Variants in DMD observed in about 807,000 individuals in gnomAD.
DMD encodes the protein mutant dystrophin.
DMD carries 63 observed loss-of-function variants against 330.1 expected under a neutral mutation model. The observed-to-expected ratio is 0.19, with a 90% CI of 0.16 to 0.24. The LOEUF (loss-of-function observed/expected upper bound fraction) is 0.24. Among genes scored for constraint, DMD ranks in the 10% least tolerant of loss-of-function variants. The pLI, the probability that DMD is intolerant of heterozygous loss-of-function variation, is 1.00. For missense variants in DMD, 3,344 were observed against 2,684.1 expected, an observed-to-expected ratio of 1.25 and a Z score of -5.43; for synonymous variants, 1,223 against 959.8, an observed-to-expected ratio of 1.27 and a Z score of -5.07.
chrX:32,604,231 T>C (rs1091272), intron 12 of DMD, among the ~76,000 whole-genome samples: 3 of 108,693 alleles, frequency 2.8e-5, no homozygotes, highest in Admixed American at 2.0e-4. Context: ...CAATATATGT[T>C]TTGTGTGGTG....
chrX:32,510,423 T>C (rs996390478), intron 18 of DMD, among the ~76,000 whole-genome samples: 5 of 111,932 alleles, frequency 4.5e-5, no homozygotes, highest in Non-Finnish European at 9.4e-5. Context: ...CTCATTTTAT[T>C]CTGCTCCTTG....
chrX:32,584,957 A>G (rs1440628788), intron 13 of DMD, among the ~76,000 whole-genome samples: 1 of 111,736 alleles, frequency 8.9e-6, no homozygotes, highest in Non-Finnish European at 1.9e-5. Context: ...TTTCAGAACC[A>G]TCAACAGATA....
chrX:33,008,871 C>A (rs866128611), intron 2 of DMD, among the ~76,000 whole-genome samples: 6 of 41,260 alleles, frequency 1.5e-4, no homozygotes, highest in Non-Finnish European at 2.6e-4. Flanking sequence ...TATACACATA[C>A]TCATATATGT....
At chrX:32,404,830 A>G (rs963113066) in intron 30 of DMD, among the ~76,000 whole-genome samples, 1 of 111,971 alleles carries the variant, frequency 8.9e-6, no homozygotes, top group Admixed American at 9.6e-5. Flanking sequence ...TGGGGTTAGA[A>G]AAAAATGAAT....
intron 60 of DMD, among the ~76,000 whole-genome samples, chrX:31,435,811 G>C (rs1770099077): frequency 8.9e-6 from 1 of 111,790 alleles, no homozygotes; most frequent in Non-Finnish European, 1.9e-5. Flanking sequence ...GGGGCAGTGG[G>C]AAAGGCAATG....
chrX:32,435,298 T>TATATATA (rs1158324376), intron 29 of DMD, among the ~76,000 whole-genome samples: 3 of 61,683 alleles, frequency 4.9e-5, no homozygotes, highest in African/African-American at 1.5e-4. Flanking sequence ...ATATATATAT[T>TATATATA]TACACCCATA....
At chrX:32,652,001 G>A (rs1569396745) in intron 9 of DMD, among the ~76,000 whole-genome samples, 1 of 111,429 alleles carries the variant, frequency 9.0e-6, no homozygotes, top group African/African-American at 3.3e-5. Context: ...ACCACTCACA[G>A]AAATGCTACA....
intron 47 of DMD, among the ~76,000 whole-genome samples, chrX:31,887,211 CAAAAT>C (rs2094167552): frequency 1.8e-5 from 2 of 112,204 alleles, no homozygotes; most frequent in African/African-American, 3.2e-5. Context: ...CACAATTTCA[CAAAAT>C]AAATTCCTTT....
intron 44 of DMD, among the ~76,000 whole-genome samples, chrX:32,190,878 C>A (rs1232029057): frequency 1.8e-5 from 2 of 109,061 alleles, no homozygotes; most frequent in Non-Finnish European, 3.8e-5. Context: ...CTTTTCTTAC[C>A]TTTAGGATTT....
chrX:31,736,784 G>A (rs1418606036), intron 51 of DMD, among the ~76,000 whole-genome samples: 1 of 110,745 alleles, frequency 9.0e-6, no homozygotes, highest in Non-Finnish European at 1.9e-5. Context: ...GTCTATCACA[G>A]CATACTAGTT....
rs767494048 is a variant in DMD at position 32,677,236 on chromosome X, C to T, written c.960+20634G>A. Among the ~76,000 whole-genome samples the T allele has an allele frequency of 2.7e-5, 3 of 111,153 alleles. No homozygotes were observed. The East Asian group carries it at 8.5e-4, about 31-fold the overall frequency. ...AAAACCAGTCACAATGTTGTCTTAG[C>T]TACATTTTCAGTTATTTAATGTATT... On this transcript the variant is annotated intron_variant, in intron 9 of 78. Coordinates refer to ENST00000357033, the MANE Select transcript of DMD (RefSeq NM_004006.3).
At chrX:33,312,525 A>C (rs763528311) in intron 1 of DMD, among the ~76,000 whole-genome samples, 1 of 111,786 alleles carries the variant, frequency 8.9e-6, no homozygotes, top group Non-Finnish European at 1.9e-5. Flanking sequence ...GTACTGTTGG[A>C]AAGTGTAGAC....
chrX:33,049,272 T>C (rs1342141351), intron 1 of DMD, among the ~76,000 whole-genome samples: 2 of 111,894 alleles, frequency 1.8e-5, no homozygotes, highest in Non-Finnish European at 3.8e-5. Context: ...GGAATGTATT[T>C]AGGTTTGTAT....
chrX:33,162,905 G>C (rs960966784), intron 1 of DMD, among the ~76,000 whole-genome samples: 2 of 110,733 alleles, frequency 1.8e-5, no homozygotes, highest in Non-Finnish European at 3.8e-5. Flanking sequence ...TTCTGAAAAT[G>C]ACCTGCAATA....
intron 11 of DMD, among the ~76,000 whole-genome samples, chrX:32,638,931 A>G (rs2059268734): frequency 9.0e-6 from 1 of 111,336 alleles, no homozygotes; most frequent in Non-Finnish European, 1.9e-5. Context: ...TGTTAGATGT[A>G]TTTTTCTGTC....
chrX:33,006,288 C>A (rs970130928), intron 2 of DMD, among the ~76,000 whole-genome samples: 1 of 111,619 alleles, frequency 9.0e-6, no homozygotes, highest in African/African-American at 3.2e-5. Flanking sequence ...GAATAACCCA[C>A]ACAATATTGA....
At chrX:32,547,011 G>A (rs2049032675) in intron 16 of DMD, among the ~76,000 whole-genome samples, 1 of 109,967 alleles carries the variant, frequency 9.1e-6, no homozygotes, top group African/African-American at 3.3e-5. Context: ...GAGAAAACTT[G>A]CTTTGCAAAG....
At chrX:33,089,877 T>C (rs1241151851) in intron 1 of DMD, among the ~76,000 whole-genome samples, 1 of 111,256 alleles carries the variant, frequency 9.0e-6, no homozygotes, top group Non-Finnish European at 1.9e-5. Flanking sequence ...AAGTTTAAAT[T>C]TGCAGTAACT....
chrX:32,774,128 G>C (rs192793116), intron 7 of DMD, among the ~76,000 whole-genome samples: 1 of 112,089 alleles, frequency 8.9e-6, no homozygotes, highest in Admixed American at 9.5e-5. Flanking sequence ...AATTCCTTAG[G>C]AGAAATGGCC....
Sources: allele counts gnomAD v4.1 joint callset (sites outside exome capture counted in the v4.1 genomes callset), GRCh38; gene constraint gnomAD v4.1.1; transcripts MANE v1.5; gene names NCBI Gene and HGNC (gene_info 2026-07-23, HGNC 2026-07-21).